The following NBDY variants were observed in gnomAD, a reference collection of about 807,000 sequenced individuals.
The protein encoded by NBDY is negative regulator of P-body association.
At chrX:56,790,986 T>C (rs1450103669) in intron 2 of NBDY, among the ~76,000 whole-genome samples, 1 of 112,385 alleles carries the variant, frequency 8.9e-6, no homozygotes, top group Non-Finnish European at 1.9e-5. Flanking sequence ...AACCCAGTCT[T>C]AAGGGGCTGA....
chrX:56,794,055 G>A (rs2069778462), intron 2 of NBDY, among the ~76,000 whole-genome samples: 1 of 112,307 alleles, frequency 8.9e-6, no homozygotes, highest in Non-Finnish European at 1.9e-5. Context: ...TGGCTGCTGG[G>A]GCAGCTCCAC....
intron 2 of NBDY, among the ~76,000 whole-genome samples, chrX:56,812,867 T>C (rs1392971961): frequency 9.0e-6 from 1 of 111,330 alleles, no homozygotes. Flanking sequence ...CTATCGAGAC[T>C]GCTTCTTCTG....
chrX:56,737,284 A>G (rs1944076821), intron 2 of NBDY: 7 of 1,044,043 alleles, frequency 6.7e-6, no homozygotes, highest in African/African-American at 3.7e-5. Flanking sequence ...TTTCCCGAAT[A>G]ACCTCTTGCA....
chrX:56,750,383 G>C (rs1404289271), intron 2 of NBDY, among the ~76,000 whole-genome samples: 3 of 110,984 alleles, frequency 2.7e-5, no homozygotes, highest in Admixed American at 9.6e-5. Flanking sequence ...CCTCAGCCTA[G>C]ATCCTTAAAT....
intron 2 of NBDY, among the ~76,000 whole-genome samples, chrX:56,786,761 A>G (rs764387703): frequency 3.8e-4 from 42 of 109,218 alleles, no homozygotes; most frequent in African/African-American, 1.3e-3. Flanking sequence ...TGGGCGGGCA[A>G]TTGTTCTAGG....
At chrX:56,814,334 C>T (rs73214066) in intron 2 of NBDY, among the ~76,000 whole-genome samples, 3 of 105,224 alleles carry the variant, frequency 2.9e-5, no homozygotes, top group Non-Finnish European at 3.9e-5. Flanking sequence ...TTTTTTTTTT[C>T]GTGGCTTATC....
At chrX:56,765,099 C>T (rs2069659026) in intron 2 of NBDY, among the ~76,000 whole-genome samples, 1 of 111,946 alleles carries the variant, frequency 8.9e-6, no homozygotes, top group Admixed American at 9.4e-5. Flanking sequence ...CACTTCTGCT[C>T]CAGGAGCAGA....
intron 2 of NBDY, among the ~76,000 whole-genome samples, chrX:56,741,918 C>A (rs1165240793): frequency 1.8e-5 from 2 of 111,308 alleles, no homozygotes; most frequent in Non-Finnish European, 3.8e-5. Context: ...AGATCAATGT[C>A]CTGGAGATTT....
At chrX:56,754,516 A>AC (rs2069600269) in intron 2 of NBDY, among the ~76,000 whole-genome samples, 1 of 112,532 alleles carries the variant, frequency 8.9e-6, no homozygotes, top group Non-Finnish European at 1.9e-5. Context: ...TGAAAGTCAT[A>AC]CAATATCTTC....
At chrX:56,746,877 T>C (rs1007690766) in intron 2 of NBDY, among the ~76,000 whole-genome samples, 3 of 112,148 alleles carry the variant, frequency 2.7e-5, no homozygotes, top group Non-Finnish European at 5.6e-5. Context: ...CATCTTTCAC[T>C]GACTCAGATG....
intron 2 of NBDY, among the ~76,000 whole-genome samples, chrX:56,760,554 A>G (rs1458854383): frequency 8.9e-6 from 1 of 111,796 alleles, no homozygotes. Context: ...GCGTGGTGGC[A>G]CATGCTTGTA....
rs1403515961 is a variant in NBDY at position 56,787,437 on chromosome X, C to G, written c.*167-29883C>G. Among the ~76,000 whole-genome samples the G allele has an allele frequency of 3.6e-5, 4 of 111,488 alleles. No homozygotes were observed. The South Asian group carries it at 1.1e-3, about 32-fold the overall frequency. The stretch of plus-strand genomic sequence containing the variant: ...ACCCACAATCTCTTCCACATGGGCT[C>G]TAAATGTGCAAAGGGGAACGGGGGA... On this transcript the variant is annotated intron_variant, in intron 2 of 2. Coordinates refer to ENST00000374922, the MANE Select transcript of NBDY (RefSeq NM_001348129.2).
chrX:56,764,300 C>G (rs1165371965), intron 2 of NBDY, among the ~76,000 whole-genome samples: 1 of 112,132 alleles, frequency 8.9e-6, no homozygotes, highest in African/African-American at 3.2e-5. Context: ...ACAAAAGACA[C>G]CAGAGTAAAC....
intron 2 of NBDY, among the ~76,000 whole-genome samples, chrX:56,781,512 G>T (rs2069690691): frequency 8.9e-6 from 1 of 111,904 alleles, no homozygotes; most frequent in African/African-American, 3.3e-5. Flanking sequence ...GACACAGGAG[G>T]CTACTCACAG....
intron 2 of NBDY, among the ~76,000 whole-genome samples, chrX:56,734,451 G>A (rs2069476180): frequency 8.9e-6 from 1 of 112,542 alleles, no homozygotes; most frequent in Admixed American, 9.4e-5. Context: ...TCTTCAAGAT[G>A]TAGGAAAACC....
intron 2 of NBDY, among the ~76,000 whole-genome samples, chrX:56,815,699 A>T (rs775446669): frequency 6.2e-5 from 7 of 112,255 alleles, no homozygotes; most frequent in Non-Finnish European, 1.3e-4. Flanking sequence ...TTTTGTGCAG[A>T]TATTTTTAAA....
At chrX:56,737,415 G>T (rs956090667) in intron 2 of NBDY, 3 of 644,576 alleles carry the variant, frequency 4.7e-6, no homozygotes, top group African/African-American at 2.2e-5. Context: ...TCATTATAAA[G>T]GTTCTCAGGA....
At chrX:56,799,976 C>T (rs901729180) in intron 2 of NBDY, among the ~76,000 whole-genome samples, 5 of 106,790 alleles carry the variant, frequency 4.7e-5, no homozygotes, top group African/African-American at 1.0e-4. Flanking sequence ...TTTGTAGCAC[C>T]GGGGGCAGTG....
intron 2 of NBDY, among the ~76,000 whole-genome samples, chrX:56,782,131 A>T (rs958690589): frequency 2.7e-5 from 3 of 111,210 alleles, no homozygotes; most frequent in Non-Finnish European, 5.7e-5. Context: ...CTCATTGTGT[A>T]TGTCACCACA....
Sources: allele counts gnomAD v4.1 joint callset (sites outside exome capture counted in the v4.1 genomes callset), GRCh38; gene constraint gnomAD v4.1.1; transcripts MANE v1.5; gene names NCBI Gene and HGNC (gene_info 2026-07-23, HGNC 2026-07-21).